The following ZDHHC6 variants were observed in gnomAD, a reference collection of about 807,000 sequenced individuals.
The protein encoded by ZDHHC6 is palmitoyltransferase ZDHHC6.
ZDHHC6 carries 32 observed loss-of-function variants against 57.8 expected under a neutral mutation model. The ratio of observed to expected loss-of-function variants is 0.55; its 90% confidence interval spans 0.42 to 0.74. ZDHHC6 has a LOEUF of 0.74. Ranked by LOEUF, ZDHHC6 falls within the 30% of genes least tolerant of loss-of-function variation. The pLI is 0.00. For missense variants in ZDHHC6, 433 were observed against 500.7 expected, an observed-to-expected ratio of 0.86 and a Z score of 1.29; for synonymous variants, 128 against 158.0, an observed-to-expected ratio of 0.81 and a Z score of 1.42.
chr10:112,433,024 T>C (rs1219370460), intron 8 of ZDHHC6, among the ~76,000 whole-genome samples: 1 of 152,236 alleles, frequency 6.6e-6, no homozygotes, highest in Admixed American at 6.5e-5. Flanking sequence ...TTTTCCTATG[T>C]TGGCAATATA....
downstream of ZDHHC6, chr10:112,427,005 T>C: frequency 1.2e-6 from 1 of 863,056 alleles, no homozygotes; most frequent in Non-Finnish European, 1.8e-6. Flanking sequence ...TTGTAGTTAC[T>C]TGTACAGCGC....
chr10:112,446,816 C>A lies in ZDHHC6; in HGVS notation c.-326G>T. On this transcript the variant is annotated 5_prime_UTR_variant, in exon 1 of 11. Coordinates refer to ENST00000369405, the MANE Select transcript of ZDHHC6 (RefSeq NM_022494.3). ...GATGACTCCGTCATGGACACCTCAG[C>A]CCAGGACAAGCAGAGAGCAAACCCT... is the stretch of plus-strand genomic sequence containing the variant. 5.6e-6 allele frequency: 1 copy of A among 178,822 alleles called. No individual in the cohort carries two copies. The highest frequency in any genetic ancestry group is 5.9e-5 in the Admixed American group (1 of 17,084). The allele number at this position is 178,822 out of a possible 1,614,324, so 11.1% of individuals were successfully genotyped here.
At chr10:112,442,425 A>G (rs761917674) in intron 3 of ZDHHC6, 74 bp from the exon 4 acceptor site, 79 of 1,437,192 alleles carry the variant, frequency 5.5e-5, no homozygotes, top group Middle Eastern at 3.7e-4. Context: ...TCTTCAAAAG[A>G]TCAAGCAAAT....
chr10:112,447,566 C>G, upstream of ZDHHC6: 1 of 1,368,628 alleles, frequency 7.3e-7, no homozygotes, highest in Non-Finnish European at 1.0e-6. Flanking sequence ...AGGCGCGAGG[C>G]TGGAGTGGGT....
downstream of ZDHHC6, among the ~76,000 whole-genome samples, chr10:112,429,733 CTA>C (rs1026428652): frequency 5.3e-4 from 81 of 152,336 alleles, no homozygotes; most frequent in Non-Finnish European, 8.2e-4. Flanking sequence ...TTTGATATCA[CTA>C]TGTTTAAAGT....
intron 1 of ZDHHC6, among the ~76,000 whole-genome samples, chr10:112,446,256 C>T (rs772968397): frequency 3.3e-5 from 5 of 151,962 alleles, no homozygotes; most frequent in African/African-American, 4.8e-5. Context: ...GCAAAGAGAG[C>T]ATGCAAGGAA....
chr10:112,442,271 AAC>A lies in ZDHHC6; in HGVS notation c.438_439del (p.Phe147SerfsTer92), dbSNP rs750340277. The A allele has an allele frequency of 4.1e-5, 66 of 1,613,986 alleles. No homozygotes were observed. Among genetic ancestry groups the A allele is most frequent in the Non-Finnish European group, 5.5e-5 (65 of 1,179,980 alleles). ...ACAACCCAGTGGTGCTAAAAGGAGA[AAC>A]AGTGTGAACGAAGCATGATTTTGGT... On this transcript the variant is annotated frameshift_variant, in exon 4 of 11. Coordinates refer to ENST00000369405, the MANE Select transcript of ZDHHC6 (RefSeq NM_022494.3). LOFTEE classifies it high-confidence loss of function.
At position 112,434,346 on chromosome 10, in the gene ZDHHC6, T is replaced by TTC. The variant is rs774178774; in HGVS notation, c.853_854insGA (p.Asp285GlyfsTer8). On this transcript the variant is annotated frameshift_variant, in exon 7 of 11. Coordinates refer to ENST00000369405, the MANE Select transcript of ZDHHC6 (RefSeq NM_022494.3). LOFTEE classifies it high-confidence loss of function. Reference sequence around the variant, plus strand: ...TTCTCTTACTGGCCACTCAAGTCCATCTCCTTCAGGGACCCCTGACCACGT... The same window carrying TTC: ...TTCTCTTACTGGCCACTCAAGTCCATTCCTCCTTCAGGGACCCCTGACCACGT... The TTC allele has an allele frequency of 5.6e-6, 9 of 1,613,620 alleles. No individual in the cohort carries two copies. The highest frequency in any genetic ancestry group is 7.6e-6 in the Non-Finnish European group (9 of 1,179,786).
chr10:112,441,822 G>A (rs953163006), intron 4 of ZDHHC6, among the ~76,000 whole-genome samples: 1 of 152,310 alleles, frequency 6.6e-6, no homozygotes, highest in Non-Finnish European at 1.5e-5. Flanking sequence ...ACTAGAATCA[G>A]AAATGAACAA....
At chr10:112,447,179 C>T (rs1320208490), upstream of ZDHHC6, 1 of 561,542 alleles carries the variant, frequency 1.8e-6, no homozygotes, top group Non-Finnish European at 3.2e-6. Flanking sequence ...ATAAAGCACG[C>T]ACGCAACCCA....
chr10:112,438,502 C>T, intron 5 of ZDHHC6, 113 bp from the exon 6 acceptor site: 5 of 870,402 alleles, frequency 5.7e-6, no homozygotes, highest in Non-Finnish European at 3.2e-6. Context: ...GACAAAGATA[C>T]CAAGGATAAC....
At chr10:112,447,183 C>T (rs1408522463), upstream of ZDHHC6, 2 of 569,432 alleles carry the variant, frequency 3.5e-6, no homozygotes, top group Non-Finnish European at 6.2e-6. Flanking sequence ...AGCACGCACG[C>T]AACCCAATTT....
At chr10:112,431,303 A>C (rs1845007875) in intron 10 of ZDHHC6, among the ~76,000 whole-genome samples, 1 of 151,598 alleles carries the variant, frequency 6.6e-6, no homozygotes, top group Non-Finnish European at 1.5e-5. Flanking sequence ...ACTTTTTCTA[A>C]CATATATATT....
intron 4 of ZDHHC6, 79 bp from the exon 5 acceptor site, chr10:112,440,774 A>G (rs1259324590): frequency 7.2e-7 from 1 of 1,395,622 alleles, no homozygotes; most frequent in East Asian, 2.5e-5. Context: ...ACGTAAAACA[A>G]CTTGATCAAA....
intron 6 of ZDHHC6, among the ~76,000 whole-genome samples, chr10:112,435,452 C>T (rs987337995): frequency 6.6e-5 from 10 of 151,992 alleles, no homozygotes; most frequent in African/African-American, 1.7e-4. Context: ...TGTAGCATGG[C>T]GGTTTATAAG....
rs1021532138 is a variant in ZDHHC6 at position 112,445,539 on chromosome 10, T to G, written c.-103A>C. On this transcript the variant is annotated 5_prime_UTR_variant, in exon 2 of 11. Transcript: ENST00000369405. Reference sequence around the variant, plus strand: ...CAAGTCCATGTGTGTTCTTTAATTGTCATGCCTTCAAGCTGTGAACTGTTA... The same window carrying G: ...CAAGTCCATGTGTGTTCTTTAATTGGCATGCCTTCAAGCTGTGAACTGTTA... 7.5e-7 allele frequency: 1 copy of G among 1,338,774 alleles called. No homozygotes were observed. Among genetic ancestry groups the G allele is most frequent in the Middle Eastern group, 2.6e-4 (1 of 3,784 alleles). 82.9% of individuals were successfully genotyped at this position (1,338,774 alleles called of 1,614,324 possible).
At chr10:112,432,106 T>A (rs1589719183) in intron 10 of ZDHHC6, 134 bp downstream of exon 10, 2 of 794,080 alleles carry the variant, frequency 2.5e-6, no homozygotes, top group Non-Finnish European at 1.9e-6. Flanking sequence ...GTTCCTTTTG[T>A]TGCTTAGTGA....
In ZDHHC6 at chr10:112,445,557, A is replaced by C; in HGVS notation, c.-121T>G. 1 of 1,180,176 alleles carries C rather than the reference A, an allele frequency of 8.5e-7. No homozygotes were observed. Among genetic ancestry groups the C allele is most frequent in the Non-Finnish European group, 1.2e-6 (1 of 853,768 alleles). 73.1% of individuals were successfully genotyped at this position (1,180,176 alleles called of 1,614,324 possible). ...TTAATTGTCATGCCTTCAAGCTGTG[A>C]ACTGTTAACGCAGATTACACCATTT... is the stretch of plus-strand genomic sequence containing the variant. On this transcript the variant is annotated 5_prime_UTR_variant, in exon 2 of 11. Coordinates refer to ENST00000369405, the MANE Select transcript of ZDHHC6 (RefSeq NM_022494.3).
Position 112,445,190 on chromosome 10 carries a change from C to T in ZDHHC6, c.247G>A (p.Val83Ile), listed in dbSNP as rs1188549068. 1 of 1,613,370 alleles carries T rather than the reference C, an allele frequency of 6.2e-7. No individual in the cohort carries two copies. Among genetic ancestry groups the T allele is most frequent in the Non-Finnish European group, 8.5e-7 (1 of 1,179,400 alleles). Residue 83 changes from valine to isoleucine, a missense_variant, in exon 2 of 11, where the codon GTC becomes ATC. Physicochemically the swap from Val to Ile is conservative, Grantham distance 29. Coordinates refer to ENST00000369405, the MANE Select transcript of ZDHHC6 (RefSeq NM_022494.3). ...CTTACCGGTTTCCACCCCAGAGGGA[C>T]AAAGCCCGGACCGACAAACATGGCA... is the stretch of plus-strand genomic sequence containing the variant. Reference protein sequence around the residue: ...FNAMFVGPGFVPLGWKPEISQ... With the variant: ...FNAMFVGPGFIPLGWKPEISQ...
Sources: allele counts gnomAD v4.1 joint callset (sites outside exome capture counted in the v4.1 genomes callset), GRCh38; gene constraint gnomAD v4.1.1; transcripts MANE v1.5; gene names NCBI Gene and HGNC (gene_info 2026-07-23, HGNC 2026-07-21).